The following KLF12 variants were observed in gnomAD, a reference collection of about 807,000 sequenced individuals.
The protein encoded by KLF12 is Krueppel-like factor 12.
KLF12 carries 9 observed loss-of-function variants against 37.8 expected under a neutral mutation model. The ratio of observed to expected loss-of-function variants is 0.24; its 90% CI spans 0.14 to 0.42. The LOEUF is 0.42. Among genes scored for constraint, KLF12 ranks in the 10% least tolerant of loss-of-function variants. The pLI is 1.00. For missense variants in KLF12, 411 were observed against 516.0 expected, an observed-to-expected ratio of 0.80 and a Z score of 1.97; for synonymous variants, 208 against 202.1, an observed-to-expected ratio of 1.03 and a Z score of -0.25.
At chr13:73,733,871 G>A (rs992879285) in intron 6 of KLF12, among the ~76,000 whole-genome samples, 4 of 152,004 alleles carry the variant, frequency 2.6e-5, no homozygotes, top group Admixed American at 6.6e-5. Flanking sequence ...TGAAGTGGTC[G>A]CTCACAGTCT....
chr13:74,273,737 G>GACTC, the KLF12 span, among the ~76,000 whole-genome samples: 4 of 152,056 alleles, frequency 2.6e-5, no homozygotes, highest in African/African-American at 9.7e-5. Context: ...ATTGGTTTCA[G>GACTC]ACTCACAGCT....
chr13:74,163,587 G>T, the KLF12 span, among the ~76,000 whole-genome samples: 1 of 152,114 alleles, frequency 6.6e-6, no homozygotes, highest in Non-Finnish European at 1.5e-5. Context: ...AGGGTTGTGG[G>T]GGTTGGAGGG....
chr13:73,740,721 T>A (rs1222014669), intron 6 of KLF12, among the ~76,000 whole-genome samples: 1 of 152,196 alleles, frequency 6.6e-6, no homozygotes, highest in African/African-American at 2.4e-5. Context: ...TGTTCTTTTA[T>A]CTCAAGAAGC....
intron 6 of KLF12, among the ~76,000 whole-genome samples, chr13:73,762,741 T>G (rs1333596858): frequency 6.6e-6 from 1 of 152,146 alleles, no homozygotes; most frequent in Non-Finnish European, 1.5e-5. Flanking sequence ...ATTGCCAGCG[T>G]GAGTCTTTAA....
At chr13:74,067,417 A>G (rs1873979289) in intron 1 of KLF12, among the ~76,000 whole-genome samples, 1 of 152,236 alleles carries the variant, frequency 6.6e-6, no homozygotes, top group Admixed American at 6.5e-5. Flanking sequence ...GATATAACAA[A>G]AGCAAAGACC....
chr13:73,954,803 A>G (rs1890778019), intron 2 of KLF12, among the ~76,000 whole-genome samples: 1 of 152,212 alleles, frequency 6.6e-6, no homozygotes, highest in Admixed American at 6.5e-5. Context: ...TTCCCAAATG[A>G]TGTCTTTAGT....
chr13:74,168,576 C>T, the KLF12 span, among the ~76,000 whole-genome samples: 1 of 152,188 alleles, frequency 6.6e-6, no homozygotes, highest in East Asian at 1.9e-4. Context: ...TGACCTAGTG[C>T]TGGCTGAAAA....
At chr13:73,902,132 G>T (rs1483587478) in intron 3 of KLF12, among the ~76,000 whole-genome samples, 4 of 152,100 alleles carry the variant, frequency 2.6e-5, no homozygotes, top group Non-Finnish European at 5.9e-5. Context: ...AAAAGGAAAA[G>T]AACAAAAGTG....
intron 3 of KLF12, among the ~76,000 whole-genome samples, chr13:73,876,284 G>A (rs1282818492): frequency 1.3e-5 from 2 of 152,116 alleles, no homozygotes; most frequent in African/African-American, 2.4e-5. Flanking sequence ...GATGCCTTTC[G>A]GCTTTTAGCT....
At chr13:74,242,306 G>C in the KLF12 span, among the ~76,000 whole-genome samples, 1 of 152,218 alleles carries the variant, frequency 6.6e-6, no homozygotes, top group African/African-American at 2.4e-5. Context: ...TAAAGAAAAA[G>C]AGGTTTAATG....
At position 74,003,139 on chromosome 13, in the gene KLF12, A is replaced by C. The variant is rs141177915; in HGVS notation, c.-31-8086T>G. On this transcript the variant is annotated intron_variant, in intron 1 of 7. Transcript: ENST00000377669. ...TTAACATTCTGTAATTCAGATTAAG[A>C]TGCCATCCTTAGTAACACCATAGGG... Among the ~76,000 whole-genome samples the C allele has an allele frequency of 2.5e-3, 385 of 152,350 alleles. 2 individuals carry two copies. Among genetic ancestry groups the C allele is most frequent in the African/African-American group, 8.8e-3 (366 of 41,582 alleles).
intron 2 of KLF12, among the ~76,000 whole-genome samples, chr13:73,966,542 A>C (rs1172185435): frequency 6.6e-6 from 1 of 152,164 alleles, no homozygotes; most frequent in Non-Finnish European, 1.5e-5. Context: ...AAGGGTAGCC[A>C]AGTCTCATTT....
intron 1 of KLF12, among the ~76,000 whole-genome samples, chr13:74,078,619 T>G (rs1217250996): frequency 6.6e-6 from 1 of 152,248 alleles, no homozygotes; most frequent in Non-Finnish European, 1.5e-5. Flanking sequence ...TTGTGTGAGC[T>G]GCTCAACTGT....
intron 1 of KLF12, among the ~76,000 whole-genome samples, chr13:74,076,292 G>C (rs1438962059): frequency 1.3e-5 from 2 of 152,078 alleles, no homozygotes; most frequent in Admixed American, 6.6e-5. Context: ...AAATAACCTA[G>C]ATTATAAAAA....
At chr13:74,135,615 G>A (rs546235867), upstream of KLF12, among the ~76,000 whole-genome samples, 296 of 151,436 alleles carry the variant, frequency 2.0e-3, 1 homozygote, top group African/African-American at 6.9e-3. Flanking sequence ...GGCGCGCGGC[G>A]GACGGAGGCG....
intron 5 of KLF12, among the ~76,000 whole-genome samples, chr13:73,804,359 A>C (rs1882449786): frequency 1.3e-5 from 2 of 152,234 alleles, no homozygotes; most frequent in South Asian, 4.1e-4. Flanking sequence ...ACTCTTTGAA[A>C]GAATATATGA....
At chr13:74,189,946 C>T in the KLF12 span, among the ~76,000 whole-genome samples, 10 of 152,022 alleles carry the variant, frequency 6.6e-5, no homozygotes, top group African/African-American at 2.4e-4. Context: ...TTTTTCTTAA[C>T]ATGTGCAAGG....
Position 74,079,194 on chromosome 13 carries a change from G to C in KLF12, c.-32+54545C>G, listed in dbSNP as rs867312859. Among the ~76,000 whole-genome samples, 4 of 137,252 alleles carry C rather than the reference G, an allele frequency of 2.9e-5. 1 individual carries two copies. In the Middle Eastern group the frequency reaches 0.01, roughly 360 times the overall value. 90.0% of individuals were successfully genotyped at this position (137,252 alleles called of 152,430 possible). A position where few individuals can be genotyped will look rare whatever the true frequency, so the allele number is the denominator to read the frequency against. ...GGTACCTAAAGCAGTCAAATTCGTAGAGACACAAAATAGAACGGGTACCAG... is the reference window on the plus strand; with the variant it reads ...GGTACCTAAAGCAGTCAAATTCGTACAGACACAAAATAGAACGGGTACCAG... On this transcript the variant is annotated intron_variant, in intron 1 of 7. Transcript: ENST00000377669.
intron 1 of KLF12, among the ~76,000 whole-genome samples, chr13:74,099,057 A>G (rs984819823): frequency 6.6e-6 from 1 of 152,180 alleles, no homozygotes; most frequent in Non-Finnish European, 1.5e-5. Flanking sequence ...GGTTAGAAAA[A>G]TCACTTTGGA....
Sources: gnomAD v4.1 joint callset for allele counts (sites outside exome capture counted in the v4.1 genomes callset) on GRCh38, gnomAD v4.1.1 for gene constraint, MANE v1.5 for transcripts, NCBI Gene and HGNC (gene_info 2026-07-23, HGNC 2026-07-21) for gene names.